CTNND2: variants seen among roughly 807,000 people sequenced by gnomAD.
CTNND2 encodes catenin delta-2.
CTNND2 carries 22 observed loss-of-function variants against 144.4 expected under a neutral mutation model. The observed-to-expected ratio is 0.15, with a 90% CI of 0.11 to 0.22. The LOEUF (loss-of-function observed/expected upper bound fraction) is 0.22. CTNND2 is among the 10% of genes least tolerant of loss of function. The pLI, the probability that CTNND2 is intolerant of heterozygous loss-of-function variation, is 1.00. For synonymous variants in CTNND2, 751 were observed against 695.6 expected (o/e 1.08, Z -1.25); for missense variants, 1,353 against 1,618.8 (o/e 0.84, Z 2.82).
intron 12 of CTNND2, among the ~76,000 whole-genome samples, chr5:11,149,040 C>T (rs778157681): frequency 4.6e-5 from 7 of 152,212 alleles, no homozygotes; most frequent in South Asian, 2.1e-4. Context: ...AGAAACTCAG[C>T]GCTGCTTCCG....
rs114386319 is a variant in CTNND2, at chr5:11,022,110, T to C, written c.2999+659A>G. On this transcript the variant is annotated intron_variant, in intron 17 of 21. Coordinates refer to ENST00000304623, the MANE Select transcript of CTNND2 (RefSeq NM_001332.4). ...CACCAAGTCTCATCTCTTTTTGTTC[T>C]ATCTGCACGAAGGCCCTCCTTTCTC... is the stretch of plus-strand genomic sequence containing the variant. Among the ~76,000 whole-genome samples the C allele has an allele frequency of 7.9e-4, 120 of 152,310 alleles. 1 individual carries two copies. The highest frequency in any genetic ancestry group is 2.8e-3 in the African/African-American group (116 of 41,560).
At chr5:11,256,225 C>CA (rs896261654) in intron 9 of CTNND2, among the ~76,000 whole-genome samples, 66 of 152,228 alleles carry the variant, frequency 4.3e-4, no homozygotes, top group African/African-American at 1.5e-3. Flanking sequence ...TTCCTAATGA[C>CA]AAAAAAGTTG....
At chr5:11,602,102 C>A (rs984169144) in intron 2 of CTNND2, among the ~76,000 whole-genome samples, 10 of 152,014 alleles carry the variant, frequency 6.6e-5, no homozygotes, top group Admixed American at 5.9e-4. Context: ...CTATGGGATA[C>A]AATTTCTCCC....
At chr5:11,214,326 T>C (rs1166009854) in intron 10 of CTNND2, among the ~76,000 whole-genome samples, 1 of 152,242 alleles carries the variant, frequency 6.6e-6, no homozygotes, top group Non-Finnish European at 1.5e-5. Context: ...TTTTCTAATT[T>C]TGCATTTAAA....
chr5:11,079,635 C>T (rs1341440571), intron 16 of CTNND2, among the ~76,000 whole-genome samples: 1 of 152,186 alleles, frequency 6.6e-6, no homozygotes, highest in Admixed American at 6.5e-5. Flanking sequence ...CTCCCAGTTC[C>T]CTCTCCAGGG....
chr5:11,067,798 G>A (rs995658030), intron 16 of CTNND2, among the ~76,000 whole-genome samples: 2 of 152,190 alleles, frequency 1.3e-5, no homozygotes, highest in African/African-American at 4.8e-5. Context: ...TCAAACATAA[G>A]GGGCTTTATT....
At chr5:11,147,702 G>A (rs886527) in intron 12 of CTNND2, among the ~76,000 whole-genome samples, 81,507 of 150,158 alleles carry the variant, frequency 0.54, 22,250 homozygotes, top group Admixed American at 0.59. Flanking sequence ...GCGACAACAT[G>A]AAACGAAGGT....
rs184573184 is a variant in CTNND2, at chr5:11,741,555, A to G, written c.38-9283T>C. ...GACACAGGGCTGGGAACATCAACAC[A>G]CTGGGGCCTGTCAGGGGGCGTGGGG... On this transcript the variant is annotated intron_variant, in intron 1 of 21. Transcript: ENST00000304623. Among the ~76,000 whole-genome samples, 880 of 151,334 alleles carry G rather than the reference A, an allele frequency of 5.8e-3. 9 individuals are homozygous for G. The highest frequency in any genetic ancestry group is 0.02 in the African/African-American group (819 of 41,256).
At chr5:11,686,112 T>G (rs1784634400) in intron 2 of CTNND2, among the ~76,000 whole-genome samples, 1 of 151,584 alleles carries the variant, frequency 6.6e-6, no homozygotes, top group Admixed American at 6.6e-5. Context: ...AGGCAGAGGC[T>G]GGAGGACTGC....
chr5:11,501,328 C>T (rs960366882), intron 3 of CTNND2, among the ~76,000 whole-genome samples: 2 of 152,226 alleles, frequency 1.3e-5, no homozygotes, highest in Admixed American at 1.3e-4. Flanking sequence ...GATTATCTCT[C>T]TCCAGATATG....
chr5:11,653,754 G>A (rs1056681890), intron 2 of CTNND2, among the ~76,000 whole-genome samples: 1 of 150,096 alleles, frequency 6.7e-6, no homozygotes, highest in African/African-American at 2.4e-5. Context: ...AGGCTTGTTT[G>A]GTTTTTTTTT....
chr5:11,293,352 G>A (rs1380823024), intron 9 of CTNND2, among the ~76,000 whole-genome samples: 1 of 152,096 alleles, frequency 6.6e-6, no homozygotes, highest in Admixed American at 6.5e-5. Context: ...GTGCTCTTTG[G>A]AAATAGAAAC....
chr5:11,038,791 T>C (rs1473199042), intron 16 of CTNND2, among the ~76,000 whole-genome samples: 2 of 152,214 alleles, frequency 1.3e-5, no homozygotes, highest in East Asian at 3.8e-4. Flanking sequence ...TTTATAACCA[T>C]GCTAAGGGGT....
At chr5:11,665,565 C>A (rs958088069) in intron 2 of CTNND2, among the ~76,000 whole-genome samples, 1 of 152,166 alleles carries the variant, frequency 6.6e-6, no homozygotes. Context: ...TTTGGTTTTA[C>A]AATTCAATGC....
chr5:11,311,175 C>A (rs1315320605), intron 9 of CTNND2, among the ~76,000 whole-genome samples: 2 of 145,756 alleles, frequency 1.4e-5, no homozygotes, highest in East Asian at 2.1e-4. Context: ...CTCACAGGCA[C>A]ACTCTCACAC....
At chr5:11,467,602 G>A (rs947258360) in intron 3 of CTNND2, among the ~76,000 whole-genome samples, 3 of 152,182 alleles carry the variant, frequency 2.0e-5, no homozygotes, top group African/African-American at 7.2e-5. Context: ...AAATAAGTAC[G>A]TAGACTTAAC....
chr5:11,844,047 T>C (rs1794618666), intron 1 of CTNND2, among the ~76,000 whole-genome samples: 1 of 152,164 alleles, frequency 6.6e-6, no homozygotes, highest in South Asian at 2.1e-4. Flanking sequence ...GCTCAATCTG[T>C]TTATGAGATT....
intron 16 of CTNND2, among the ~76,000 whole-genome samples, chr5:11,043,172 A>G (rs2149570573): frequency 6.6e-6 from 1 of 152,182 alleles, no homozygotes; most frequent in Admixed American, 6.5e-5. Context: ...AAATAACATG[A>G]GAACCCAAAG....
chr5:11,284,138 T>G (rs1747475514), intron 9 of CTNND2, among the ~76,000 whole-genome samples: 1 of 152,182 alleles, frequency 6.6e-6, no homozygotes, highest in Non-Finnish European at 1.5e-5. Context: ...GGTGTTCTGG[T>G]CATGTGAATT....
Sources: gnomAD v4.1 joint callset for allele counts (sites outside exome capture counted in the v4.1 genomes callset) on GRCh38, gnomAD v4.1.1 for gene constraint, MANE v1.5 for transcripts, NCBI Gene and HGNC (gene_info 2026-07-23, HGNC 2026-07-21) for gene names.